HIVEP2: variants seen among roughly 807,000 people sequenced by gnomAD.
HIVEP2 encodes transcription factor HIVEP2.
In HIVEP2, 14 loss-of-function variants were observed where a neutral mutation model predicts 180.7. The ratio of observed to expected loss-of-function variants is 0.08; its 90% CI spans 0.05 to 0.12. The LOEUF is 0.12. Among genes scored for constraint, HIVEP2 ranks in the 10% least tolerant of loss-of-function variants. The pLI, the probability that HIVEP2 is intolerant of heterozygous loss-of-function variation, is 1.00. For missense variants in HIVEP2, 2,579 were observed against 3,008.5 expected (o/e 0.86, Z 3.34); for synonymous variants, 1,184 against 1,136.4 (o/e 1.04, Z -0.84).
At chr6:142,809,893 C>T (rs934620144) in intron 2 of HIVEP2, among the ~76,000 whole-genome samples, 2 of 152,066 alleles carry the variant, frequency 1.3e-5, no homozygotes, top group Admixed American at 6.5e-5. Context: ...TGTGCCCGGC[C>T]CAATATTCTA....
chr6:142,860,573 G>A (rs150780225), intron 1 of HIVEP2, among the ~76,000 whole-genome samples: 84 of 152,286 alleles, frequency 5.5e-4, no homozygotes, highest in African/African-American at 2.0e-3. Context: ...GTCCTATCTG[G>A]GGGTGATGGG....
At chr6:142,822,562 G>C (rs981651717) in intron 2 of HIVEP2, among the ~76,000 whole-genome samples, 1 of 152,172 alleles carries the variant, frequency 6.6e-6, no homozygotes, top group African/African-American at 2.4e-5. Flanking sequence ...AATGAAGGAA[G>C]TGCTAAACTT....
rs1414173348 is a variant in HIVEP2 at position 142,752,029 on chromosome 6, G to A, written c.*1078C>T. The A allele has an allele frequency of 6.6e-6, 1 of 152,618 alleles. No individual in the cohort carries two copies. The allele number at this position is 152,618 out of a possible 1,614,324, so 9.5% of individuals were successfully genotyped here. A position where few individuals can be genotyped will look rare whatever the true frequency, so the allele number is the denominator to read the frequency against. On this transcript the variant is annotated 3_prime_UTR_variant, in exon 10 of 10. Transcript: ENST00000367603. ...TGCTAAGCCCAGGTCTTCTCCATGA[G>A]CAGCGCACAGCACTGCCTGCCAAGC...
chr6:142,788,687 T>G (rs1355612842), intron 2 of HIVEP2, among the ~76,000 whole-genome samples: 1 of 152,004 alleles, frequency 6.6e-6, no homozygotes, highest in Non-Finnish European at 1.5e-5. Flanking sequence ...CACTCCAGTC[T>G]GGGTAACAGA....
At chr6:142,931,247 T>C (rs13203023) in intron 1 of HIVEP2, among the ~76,000 whole-genome samples, 1 of 151,862 alleles carries the variant, frequency 6.6e-6, no homozygotes, top group Non-Finnish European at 1.5e-5. Flanking sequence ...AACTTTATTG[T>C]ATGCGTTTAA....
chr6:142,767,643 T>C (rs938110938), intron 6 of HIVEP2, among the ~76,000 whole-genome samples: 2 of 152,248 alleles, frequency 1.3e-5, no homozygotes, highest in African/African-American at 4.8e-5. Context: ...AAGTGTAGGC[T>C]TTTCCTTCTA....
chr6:142,826,117 G>A (rs1277621973), intron 2 of HIVEP2, among the ~76,000 whole-genome samples: 1 of 152,068 alleles, frequency 6.6e-6, no homozygotes, highest in Non-Finnish European at 1.5e-5. Flanking sequence ...TCATATATCT[G>A]ATTTAGAAAT....
chr6:142,936,984 A>C (rs964320476), intron 1 of HIVEP2, among the ~76,000 whole-genome samples: 4 of 152,214 alleles, frequency 2.6e-5, no homozygotes, highest in Non-Finnish European at 5.9e-5. Flanking sequence ...TGAGTCTCTT[A>C]AGTAGGCCCA....
At chr6:142,810,771 A>C (rs1776675660) in intron 2 of HIVEP2, among the ~76,000 whole-genome samples, 3 of 151,770 alleles carry the variant, frequency 2.0e-5, no homozygotes, top group East Asian at 3.9e-4. Flanking sequence ...CAAAAAAAAA[A>C]AAAAAAAACA....
intron 1 of HIVEP2, among the ~76,000 whole-genome samples, chr6:142,858,134 C>T (rs571215177): frequency 1.2e-4 from 19 of 152,298 alleles, no homozygotes; most frequent in African/African-American, 4.3e-4. Context: ...TGACATAAAG[C>T]ATCAAGATCC....
chr6:142,774,687 C>T lies in HIVEP2; in HGVS notation c.52G>A (p.Glu18Lys), dbSNP rs756219104. ...LGQKATSRSG[E>K]TDKASGRWRQ... ...CATCTACCTGATGCTTTATCAGTTT[C>T]TCCAGACCTTGAGGTAGCTTTTTGT... The change falls in exon 5 of 10, where the codon GAA becomes AAA. Residue 18 changes from glutamate to lysine, a missense_variant. Coordinates refer to ENST00000367603, the MANE Select transcript of HIVEP2 (RefSeq NM_006734.4). The surrounding 1 kb of genome is among the most constrained non-coding windows in gnomAD (Gnocchi z 5.1). The T allele has an allele frequency of 6.2e-7, 1 of 1,614,180 alleles. No individual in the cohort carries two copies. The highest frequency in any genetic ancestry group is 1.1e-5 in the South Asian group (1 of 91,078).
intron 1 of HIVEP2, among the ~76,000 whole-genome samples, chr6:142,849,811 G>A (rs1441003563): frequency 2.7e-4 from 41 of 152,074 alleles, no homozygotes; most frequent in Admixed American, 2.6e-3. Context: ...GAGCCACCAC[G>A]CCTGGCCTAG....
In HIVEP2 at chr6:142,770,147, G is replaced by A. The variant is rs1341136134; in HGVS notation, c.4592C>T (p.Pro1531Leu). 5.0e-6 allele frequency: 8 copies of A among 1,614,082 alleles called. No individual in the cohort carries two copies. The highest frequency in any genetic ancestry group is 4.0e-5 in the African/African-American group (3 of 74,924). ...SSSQDYPSVS[P>L]SSREPFLPSK... ...GGGCAGGAATGGCTCCCTGGAAGAC[G>A]GGCTAACAGAAGGATAGTCTTGAGA... is the stretch of plus-strand genomic sequence containing the variant. Residue 1531 changes from proline to leucine, a missense_variant, in exon 5 of 10, where the codon CCG becomes CTG. Transcript: ENST00000367603. The surrounding 1 kb of genome is among the most constrained non-coding windows in gnomAD (Gnocchi z 4.7).
intron 1 of HIVEP2, among the ~76,000 whole-genome samples, chr6:142,938,965 C>T (rs1278010315): frequency 6.6e-6 from 1 of 152,122 alleles, no homozygotes; most frequent in African/African-American, 2.4e-5. Flanking sequence ...ATCAGTGGCC[C>T]ATTCCTTATA....
chr6:142,788,686 C>T (rs1776066550), intron 2 of HIVEP2, among the ~76,000 whole-genome samples: 1 of 152,086 alleles, frequency 6.6e-6, no homozygotes, highest in Admixed American at 6.6e-5. Flanking sequence ...GCACTCCAGT[C>T]TGGGTAACAG....
At chr6:142,913,208 A>C (rs547728407) in intron 1 of HIVEP2, among the ~76,000 whole-genome samples, 2 of 152,344 alleles carry the variant, frequency 1.3e-5, no homozygotes, top group African/African-American at 4.8e-5. Flanking sequence ...TCATGCTGTT[A>C]CAACATCTTC....
rs368385115 is a variant in HIVEP2, at chr6:142,875,796, T to C, written c.-640-38749A>G. 5.3e-5 allele frequency among the ~76,000 whole-genome samples: 8 copies of C among 152,218 alleles called. No individual in the cohort carries two copies. In the East Asian group the frequency reaches 7.7e-4, roughly 15 times the overall value. On this transcript the variant is annotated intron_variant, in intron 1 of 9. Transcript: ENST00000367603. ...ACAGCTGTAGGCAGGGGGACACTGATAGTTCTCTTTTGCCTATTTCAACTT... is the reference window on the plus strand; with the variant it reads ...ACAGCTGTAGGCAGGGGGACACTGACAGTTCTCTTTTGCCTATTTCAACTT...
intron 1 of HIVEP2, among the ~76,000 whole-genome samples, chr6:142,844,537 C>T (rs1037651312): frequency 6.6e-6 from 1 of 152,156 alleles, no homozygotes; most frequent in African/African-American, 2.4e-5. Context: ...AATGCCATGA[C>T]TATGGTTTAG....
chr6:142,936,014 G>C (rs1047217383), intron 1 of HIVEP2, among the ~76,000 whole-genome samples: 4 of 151,964 alleles, frequency 2.6e-5, no homozygotes, highest in African/African-American at 9.7e-5. Flanking sequence ...TCAGGGGACT[G>C]AGGCGGGAGA....
Sources: gnomAD v4.1 joint callset for allele counts (sites outside exome capture counted in the v4.1 genomes callset) on GRCh38, gnomAD v4.1.1 for gene constraint, Gnocchi (gnomAD v3.1) non-coding constraint, MANE v1.5 for transcripts, NCBI Gene and HGNC (gene_info 2026-07-23, HGNC 2026-07-21) for gene names.